Variants in GRXCR1 observed in about 807,000 individuals in gnomAD.
GRXCR1 encodes glutaredoxin domain-containing cysteine-rich protein 1.
In GRXCR1, 27 loss-of-function variants were observed where a neutral mutation model predicts 27.3. That is an observed-to-expected ratio of 0.99 (90% CI 0.73 to 1.37). GRXCR1 has a LOEUF of 1.37. Ranked by LOEUF, GRXCR1 falls within the 40% of genes most tolerant of loss-of-function variation. GRXCR1 has a pLI of 0.00. For missense variants in GRXCR1, 379 were observed against 354.4 expected, an observed-to-expected ratio of 1.07 and a Z score of -0.56; for synonymous variants, 122 against 131.1, an observed-to-expected ratio of 0.93 and a Z score of 0.47.
intron 1 of GRXCR1, among the ~76,000 whole-genome samples, chr4:42,904,791 A>T (rs186413846): frequency 6.6e-6 from 1 of 152,176 alleles, no homozygotes; most frequent in Non-Finnish European, 1.5e-5. Context: ...TGAAAAAAGC[A>T]TGATTTCAGT....
chr4:42,953,158 C>T (rs2109770137), intron 1 of GRXCR1, among the ~76,000 whole-genome samples: 1 of 152,262 alleles, frequency 6.6e-6, no homozygotes, highest in Non-Finnish European at 1.5e-5. Flanking sequence ...TACTTTCCCC[C>T]ACCAAAAACA....
At chr4:43,014,235 T>C (rs1315004595) in intron 2 of GRXCR1, among the ~76,000 whole-genome samples, 7 of 152,106 alleles carry the variant, frequency 4.6e-5, no homozygotes, top group Non-Finnish European at 1.0e-4. Flanking sequence ...CCTAAGTGTT[T>C]GGCACAGAAC....
intron 1 of GRXCR1, 104 bp downstream of exon 1, chr4:42,893,754 A>G: frequency 7.4e-6 from 8 of 1,075,224 alleles, no homozygotes; most frequent in South Asian, 5.0e-5. Flanking sequence ...TGCAACTCCT[A>G]CATGCTTCAT....
chr4:43,025,154 C>A (rs1713214046), intron 3 of GRXCR1, among the ~76,000 whole-genome samples: 1 of 152,158 alleles, frequency 6.6e-6, no homozygotes, highest in Non-Finnish European at 1.5e-5. Context: ...CAAAGGAAGT[C>A]TATTTCACAA....
At chr4:42,949,001 T>C (rs1010074183) in intron 1 of GRXCR1, among the ~76,000 whole-genome samples, 1 of 152,132 alleles carries the variant, frequency 6.6e-6, no homozygotes. Flanking sequence ...CTACTAACTT[T>C]GTAGTAATTT....
At chr4:43,028,542 C>T (rs1055420812) in intron 3 of GRXCR1, among the ~76,000 whole-genome samples, 1 of 152,112 alleles carries the variant, frequency 6.6e-6, no homozygotes, top group South Asian at 2.1e-4. Context: ...TTGTACAAGT[C>T]ATTAAATATT....
chr4:42,907,712 A>C (rs944895969), intron 1 of GRXCR1, among the ~76,000 whole-genome samples: 3 of 152,136 alleles, frequency 2.0e-5, no homozygotes, highest in African/African-American at 7.2e-5. Flanking sequence ...CCGGTATTTT[A>C]ACTGCTTTTT....
chr4:42,988,796 T>C (rs1711862986), intron 2 of GRXCR1, among the ~76,000 whole-genome samples: 1 of 152,224 alleles, frequency 6.6e-6, no homozygotes, highest in African/African-American at 2.4e-5. Flanking sequence ...CAAGTGTATA[T>C]ATGGAATGCC....
intron 2 of GRXCR1, among the ~76,000 whole-genome samples, chr4:42,980,938 G>C (rs1748648661): frequency 6.6e-6 from 1 of 150,412 alleles, no homozygotes; most frequent in African/African-American, 2.4e-5. Context: ...TGGAGCATTT[G>C]GTTGGATCTT....
intron 2 of GRXCR1, among the ~76,000 whole-genome samples, chr4:43,016,767 G>T (rs764593732): frequency 6.6e-6 from 1 of 152,074 alleles, no homozygotes; most frequent in Non-Finnish European, 1.5e-5. Flanking sequence ...GAATGAGTAC[G>T]GTAGCACACT....
intron 1 of GRXCR1, among the ~76,000 whole-genome samples, chr4:42,956,160 G>C (rs1010377872): frequency 4.6e-5 from 7 of 152,098 alleles, no homozygotes; most frequent in Admixed American, 4.6e-4. Context: ...TGTGCTGCAG[G>C]TTGTTGTAAG....
rs181971672 is a variant in GRXCR1 at position 42,928,967 on chromosome 4, C to A, written c.385-33925C>A. Among the ~76,000 whole-genome samples, 12 of 151,982 alleles carry A rather than the reference C, an allele frequency of 7.9e-5. No homozygotes were observed. The East Asian group carries it at 2.3e-3, about 30-fold the overall frequency. On this transcript the variant is annotated intron_variant, in intron 1 of 3. Coordinates refer to ENST00000399770, the MANE Select transcript of GRXCR1 (RefSeq NM_001080476.3). ...GGCACTTTCTCCCCATCTAGAAAGA[C>A]TTTTTTCTTTATTTTTAAAAAGATG...
At chr4:43,001,393 C>A (rs552618512) in intron 2 of GRXCR1, among the ~76,000 whole-genome samples, 3 of 152,104 alleles carry the variant, frequency 2.0e-5, no homozygotes, top group African/African-American at 4.8e-5. Flanking sequence ...GAAGGTCAAG[C>A]TCGCTCTCTT....
At chr4:42,963,578 T>C (rs1748176556) in intron 2 of GRXCR1, among the ~76,000 whole-genome samples, 1 of 151,922 alleles carries the variant, frequency 6.6e-6, no homozygotes, top group Non-Finnish European at 1.5e-5. Context: ...AAATGGGGCC[T>C]GGAGCCAGAA....
At position 43,030,351 on chromosome 4, in the gene GRXCR1, C is replaced by G; in HGVS notation, c.694-10C>G. ...TCTGTTTTCTCTTGTTCCCCTGCCA[C>G]CTTATACAGAGAGTACAGCATCCAC... On this transcript the variant is annotated splice_polypyrimidine_tract_variant and intron_variant, in intron 3 of 3. Coordinates refer to ENST00000399770, the MANE Select transcript of GRXCR1 (RefSeq NM_001080476.3). 1 of 1,613,024 alleles carries G rather than the reference C, an allele frequency of 6.2e-7. No homozygotes were observed.
chr4:43,012,274 A>G (rs1005225732), intron 2 of GRXCR1, among the ~76,000 whole-genome samples: 1 of 152,180 alleles, frequency 6.6e-6, no homozygotes. Flanking sequence ...GAATTTTATG[A>G]CTGGAACATC....
At chr4:42,907,277 C>A (rs1227967031) in intron 1 of GRXCR1, among the ~76,000 whole-genome samples, 1 of 152,192 alleles carries the variant, frequency 6.6e-6, no homozygotes, top group East Asian at 1.9e-4. Flanking sequence ...GGAACATTCA[C>A]TACAGTTCAC....
At chr4:42,962,782 G>A in intron 1 of GRXCR1, 110 bp from the exon 2 acceptor site, 1 of 1,196,852 alleles carries the variant, frequency 8.4e-7, no homozygotes, top group Non-Finnish European at 1.2e-6. Context: ...TGACAAATGT[G>A]TTCATTCAAT....
At chr4:42,932,107 C>A (rs1002392268) in intron 1 of GRXCR1, among the ~76,000 whole-genome samples, 2 of 151,958 alleles carry the variant, frequency 1.3e-5, no homozygotes, top group East Asian at 3.9e-4. Context: ...GTGGGAGCTA[C>A]AATTCAAGAT....
Sources: allele counts gnomAD v4.1 joint callset (sites outside exome capture counted in the v4.1 genomes callset), GRCh38; gene constraint gnomAD v4.1.1; transcripts MANE v1.5; gene names NCBI Gene and HGNC (gene_info 2026-07-23, HGNC 2026-07-21).